SEMA5A: variants seen among roughly 807,000 people sequenced by gnomAD.
SEMA5A encodes semaphorin-5A.
In SEMA5A, 55 loss-of-function variants were observed where a neutral mutation model predicts 135.5. That is an observed-to-expected ratio of 0.41 (90% CI 0.33 to 0.51). The LOEUF (loss-of-function observed/expected upper bound fraction) is 0.51. SEMA5A is among the 20% of genes least tolerant of loss of function. SEMA5A has a pLI of 0.37. For missense variants in SEMA5A, 1,290 were observed against 1,419.9 expected, an observed-to-expected ratio of 0.91 and a Z score of 1.47; for synonymous variants, 580 against 546.5, an observed-to-expected ratio of 1.06 and a Z score of -0.85.
At chr5:9,113,489 C>T (rs187667254) in intron 15 of SEMA5A, among the ~76,000 whole-genome samples, 46 of 152,206 alleles carry the variant, frequency 3.0e-4, no homozygotes, top group Middle Eastern at 3.4e-3. Context: ...AAATTTGTGA[C>T]GTGATGCATG....
At position 9,166,222 on chromosome 5, in the gene SEMA5A, CT is replaced by C. The variant is rs1280853982; in HGVS notation, c.1274-11528del. Among the ~76,000 whole-genome samples, 16 of 152,134 alleles carry C rather than the reference CT, an allele frequency of 1.1e-4. No homozygotes were observed. In the East Asian group the frequency reaches 2.5e-3, roughly 24 times the overall value. Reference sequence around the variant, plus strand: ...TAGGGGATGCAGCCTGCCTTGTTCACTGTGACCCTGTTGGTTTCCAGAACAA... The same window carrying C: ...TAGGGGATGCAGCCTGCCTTGTTCACGTGACCCTGTTGGTTTCCAGAACAA... On this transcript the variant is annotated intron_variant, in intron 11 of 22. Coordinates refer to ENST00000382496, the MANE Select transcript of SEMA5A (RefSeq NM_003966.3).
At chr5:9,101,276 T>G (rs1156342308) in intron 16 of SEMA5A, among the ~76,000 whole-genome samples, 1 of 152,146 alleles carries the variant, frequency 6.6e-6, no homozygotes, top group Non-Finnish European at 1.5e-5. Context: ...CACAGTGTAG[T>G]GGGGGAAACA....
At chr5:9,217,466 A>T (rs3902452) in intron 8 of SEMA5A, among the ~76,000 whole-genome samples, 86,152 of 151,912 alleles carry the variant, frequency 0.57, 24,595 homozygotes, top group South Asian at 0.62. Flanking sequence ...TGACTGTGTG[A>T]CTTGGGGATG....
chr5:9,353,189 G>A (rs78613459), intron 3 of SEMA5A, among the ~76,000 whole-genome samples: 974 of 16,530 alleles, frequency 0.059, 34 homozygotes, highest in South Asian at 0.12. Flanking sequence ...AGGAAGGGAA[G>A]GGAAAGGAAA....
At chr5:9,157,161 T>A (rs551152144) in intron 11 of SEMA5A, among the ~76,000 whole-genome samples, 1 of 150,268 alleles carries the variant, frequency 6.7e-6, no homozygotes, top group African/African-American at 2.4e-5. Context: ...TCCCTCTGCA[T>A]CAGGTTTAGC....
chr5:9,131,381 G>T (rs1741403185), intron 13 of SEMA5A, among the ~76,000 whole-genome samples: 1 of 151,986 alleles, frequency 6.6e-6, no homozygotes, highest in South Asian at 2.1e-4. Flanking sequence ...GGCCGAGGCG[G>T]GTGGATCAAA....
intron 5 of SEMA5A, among the ~76,000 whole-genome samples, chr5:9,293,321 TG>T (rs1303379367): frequency 2.0e-5 from 3 of 152,234 alleles, no homozygotes; most frequent in Non-Finnish European, 4.4e-5. Context: ...TCCAGGTAAC[TG>T]CCTCCTTCTG....
chr5:9,141,101 TTAAATA>T (rs1244292110), intron 12 of SEMA5A, among the ~76,000 whole-genome samples: 1 of 152,192 alleles, frequency 6.6e-6, no homozygotes, highest in African/African-American at 2.4e-5. Flanking sequence ...TCATGTATAT[TTAAATA>T]TAATTTCCTC....
chr5:9,257,624 GA>G (rs1749146574), intron 5 of SEMA5A, among the ~76,000 whole-genome samples: 1 of 151,946 alleles, frequency 6.6e-6, no homozygotes. Flanking sequence ...AATTTCTCCT[GA>G]CAGATGAGGT....
rs571716167 is a variant in SEMA5A at position 9,154,755 on chromosome 5, G to T, written c.1274-60C>A. 8.4e-6 allele frequency: 12 copies of T among 1,431,012 alleles called. No individual in the cohort carries two copies. In the African/African-American group the frequency reaches 1.1e-4, roughly 13 times the overall value. The allele number at this position is 1,431,012 out of a possible 1,614,324, so 88.6% of individuals were successfully genotyped here. On this transcript the variant is annotated intron_variant, in intron 11 of 22. Transcript: ENST00000382496. ...CAGAGGGTCTCACAAACCAATCCCT[G>T]GTTAAACAGAGTGTGCTGTGTATGC...
intron 5 of SEMA5A, among the ~76,000 whole-genome samples, chr5:9,298,374 G>C (rs1294042720): frequency 6.6e-6 from 1 of 152,126 alleles, no homozygotes; most frequent in African/African-American, 2.4e-5. Context: ...AGAGCCTTAG[G>C]GAAGAATATG....
intron 15 of SEMA5A, among the ~76,000 whole-genome samples, chr5:9,117,816 T>C (rs1044421370): frequency 6.6e-6 from 1 of 152,202 alleles, no homozygotes; most frequent in Non-Finnish European, 1.5e-5. Flanking sequence ...AATTCTTCCA[T>C]AATAGGCTTT....
At chr5:9,422,073 T>C (rs944316925) in intron 2 of SEMA5A, among the ~76,000 whole-genome samples, 1 of 152,218 alleles carries the variant, frequency 6.6e-6, no homozygotes, top group Non-Finnish European at 1.5e-5. Context: ...CGTTCTGCAA[T>C]TACTAAGATA....
intron 1 of SEMA5A, among the ~76,000 whole-genome samples, chr5:9,451,306 C>T (rs575667552): frequency 5.9e-5 from 9 of 152,302 alleles, no homozygotes; most frequent in African/African-American, 2.2e-4. Flanking sequence ...AATTAAACAA[C>T]AAACAAGACT....
intron 2 of SEMA5A, among the ~76,000 whole-genome samples, chr5:9,391,585 C>T (rs888389717): frequency 1.3e-5 from 2 of 152,152 alleles, no homozygotes; most frequent in African/African-American, 2.4e-5. Context: ...CCACACAACA[C>T]TCTAAACCAT....
At chr5:9,314,555 T>C (rs1752308217) in intron 5 of SEMA5A, among the ~76,000 whole-genome samples, 1 of 152,176 alleles carries the variant, frequency 6.6e-6, no homozygotes, top group African/African-American at 2.4e-5. Context: ...GCTCACATGG[T>C]GCTTCTATCA....
chr5:9,538,066 A>T lies in SEMA5A; in HGVS notation c.-175+7518T>A, dbSNP rs183547091. Among the ~76,000 whole-genome samples, 674 of 152,328 alleles carry T rather than the reference A, an allele frequency of 4.4e-3. 6 individuals are homozygous for T. The highest frequency in any genetic ancestry group is 0.016 in the African/African-American group (650 of 41,562). ...CAGAGAGGATTTTAATACACTAAACAGATGGAAGGTGCAGTAAACAAGGTG... is the reference window on the plus strand; with the variant it reads ...CAGAGAGGATTTTAATACACTAAACTGATGGAAGGTGCAGTAAACAAGGTG... On this transcript the variant is annotated intron_variant, in intron 1 of 22. Transcript: ENST00000382496.
At chr5:9,461,892 G>T (rs534871685) in intron 1 of SEMA5A, among the ~76,000 whole-genome samples, 1 of 152,262 alleles carries the variant, frequency 6.6e-6, no homozygotes, top group Admixed American at 6.5e-5. Flanking sequence ...TTACCTAGGA[G>T]GGGACTTCCA....
intron 5 of SEMA5A, among the ~76,000 whole-genome samples, chr5:9,250,952 C>A (rs1748740426): frequency 6.6e-6 from 1 of 152,122 alleles, no homozygotes; most frequent in African/African-American, 2.4e-5. Flanking sequence ...GGTTTTAATG[C>A]TCCACCAAAA....
Sources: gnomAD v4.1 joint callset for allele counts (sites outside exome capture counted in the v4.1 genomes callset) on GRCh38, gnomAD v4.1.1 for gene constraint, MANE v1.5 for transcripts, NCBI Gene and HGNC (gene_info 2026-07-23, HGNC 2026-07-21) for gene names.